Variants in CCDC90B observed in about 807,000 individuals in gnomAD.
CCDC90B encodes coiled-coil domain-containing protein 90B, mitochondrial.
Under a neutral mutation model 37.0 loss-of-function variants are expected in CCDC90B, and 24 were observed. The ratio of observed to expected loss-of-function variants is 0.65; its 90% confidence interval spans 0.47 to 0.91. The LOEUF (loss-of-function observed/expected upper bound fraction) is 0.91, where lower values mean the gene tolerates loss of function less well. Among genes scored for constraint, CCDC90B ranks in the 40% least tolerant of loss-of-function variants. CCDC90B has a pLI of 0.00. For missense variants in CCDC90B, 319 were observed against 299.0 expected (o/e 1.07, Z -0.49); for synonymous variants, 113 against 101.1 (o/e 1.12, Z -0.71).
chr11:83,278,773 C>T lies in CCDC90B; in HGVS notation c.277G>A (p.Val93Ile). The change falls in exon 3 of 9, where the codon GTC becomes ATC. Residue 93 changes from valine (V) to isoleucine (I), a missense_variant. Physicochemically the swap from Val to Ile is conservative, Grantham distance 29. Transcript: ENST00000529689. Reference protein sequence around the residue: ...IVSALTALSNVSLDTIYKEMV... With the variant: ...IVSALTALSNISLDTIYKEMV... ...TCTTTATAGATAGTATCCAGGCTGA[C>T]ATTTGATAAAGCAGTTAACGCTGAT... The T allele has an allele frequency of 6.2e-7, 1 of 1,613,582 alleles. No homozygotes were observed. The highest frequency in any genetic ancestry group is 1.7e-4 in the Middle Eastern group (1 of 5,884).
chr11:83,281,193 A>C (rs1403079709), intron 1 of CCDC90B, among the ~76,000 whole-genome samples: 1 of 152,206 alleles, frequency 6.6e-6, no homozygotes, highest in Non-Finnish European at 1.5e-5. Flanking sequence ...TATGTATCTT[A>C]AGTCACTTAA....
Position 83,285,853 on chromosome 11 carries a change from G to A in CCDC90B, c.100+20C>T, listed in dbSNP as rs566252770. 1.2e-6 allele frequency: 2 copies of A among 1,604,026 alleles called. No homozygotes were observed. The highest frequency in any genetic ancestry group is 3.4e-5 in the Admixed American group (2 of 59,368). The stretch of plus-strand genomic sequence containing the variant: ...CCCTAGAGAGCACTCAGGCATCTAT[G>A]ACACGACGCCTTGCCTCACCTCTCC... On this transcript the variant is annotated intron_variant, in intron 1 of 8. Transcript: ENST00000529689.
At chr11:83,273,756 G>A (rs1232182400) in intron 6 of CCDC90B, 37 bp downstream of exon 6, 7 of 1,600,976 alleles carry the variant, frequency 4.4e-6, no homozygotes, top group African/African-American at 2.7e-5. Flanking sequence ...TAAAAAAGGA[G>A]TAAGTAACCA....
intron 1 of CCDC90B, among the ~76,000 whole-genome samples, chr11:83,281,426 T>C (rs986565342): frequency 1.3e-5 from 2 of 152,206 alleles, no homozygotes; most frequent in Admixed American, 6.5e-5. Context: ...ATATTGTTTT[T>C]TTTAAAAAAT....
At chr11:83,274,391 A>G (rs1162234735) in intron 4 of CCDC90B, 1 of 279,850 alleles carries the variant, frequency 3.6e-6, no homozygotes. Context: ...TATATAGCTC[A>G]AAGATTTTGT....
chr11:83,282,211 A>AC (rs1170299121), intron 1 of CCDC90B, among the ~76,000 whole-genome samples: 1 of 152,252 alleles, frequency 6.6e-6, no homozygotes, highest in African/African-American at 2.4e-5. Flanking sequence ...CTTGTGATCA[A>AC]TGGCTAACTG....
At chr11:83,284,256 T>C (rs148192337) in intron 1 of CCDC90B, among the ~76,000 whole-genome samples, 29 of 152,360 alleles carry the variant, frequency 1.9e-4, no homozygotes, top group African/African-American at 6.7e-4. Context: ...AGATTGTGGA[T>C]TGGAACTCTG....
chr11:83,263,663 C>T (rs1864065940), intron 8 of CCDC90B, among the ~76,000 whole-genome samples: 2 of 152,126 alleles, frequency 1.3e-5, no homozygotes, highest in African/African-American at 4.8e-5. Flanking sequence ...CATTCAGACT[C>T]CTTTCTGAGG....
chr11:83,262,036 GT>G, intron 8 of CCDC90B, 70 bp from the exon 9 acceptor site: 1 of 1,092,376 alleles, frequency 9.2e-7, no homozygotes, highest in Non-Finnish European at 1.3e-6. Flanking sequence ...AGAGAATAAT[GT>G]TATCTTTAAG....
chr11:83,269,702 A>T (rs1445546111), intron 7 of CCDC90B, among the ~76,000 whole-genome samples: 1 of 152,234 alleles, frequency 6.6e-6, no homozygotes, highest in Non-Finnish European at 1.5e-5. Context: ...GACCAGACAG[A>T]TTCACAGCCA....
chr11:83,279,623 T>C (rs1467878197), intron 2 of CCDC90B, among the ~76,000 whole-genome samples: 2 of 152,190 alleles, frequency 1.3e-5, no homozygotes, highest in Non-Finnish European at 2.9e-5. Flanking sequence ...GGGGATCTAA[T>C]ATATTTTTTC....
At chr11:83,277,022 T>G (rs1299967652) in intron 3 of CCDC90B, among the ~76,000 whole-genome samples, 1 of 152,184 alleles carries the variant, frequency 6.6e-6, no homozygotes, top group Non-Finnish European at 1.5e-5. Flanking sequence ...TGTGCCTTAT[T>G]CTATACTAGA....
intron 3 of CCDC90B, among the ~76,000 whole-genome samples, chr11:83,276,203 G>A (rs1459373403): frequency 6.6e-6 from 1 of 152,138 alleles, no homozygotes; most frequent in Non-Finnish European, 1.5e-5. Flanking sequence ...GTGGCCTCTA[G>A]GGGCTGGCAG....
chr11:83,285,769 G>A (rs1865647658), intron 1 of CCDC90B, 104 bp downstream of exon 1: 7 of 1,482,090 alleles, frequency 4.7e-6, no homozygotes, highest in Non-Finnish European at 5.4e-6. Context: ...TCCGGGAGGA[G>A]GGCGTGGCAC....
Position 83,261,937 on chromosome 11 carries a change from A to G in CCDC90B, c.739T>C (p.Leu247=), listed in dbSNP as rs1057118120. The G allele has an allele frequency of 3.7e-6, 6 of 1,603,280 alleles. No individual in the cohort carries two copies. The highest frequency in any genetic ancestry group is 5.1e-6 in the Non-Finnish European group (6 of 1,174,758). Residue 247 remains leucine (L), a synonymous_variant, in exon 9 of 9, where the codon TTG becomes CTG. Transcript: ENST00000529689. ...TACTTCCAGAATCTATAAAATCCCA[A>G]TGCTATTGCCAGGCAAGTAAACACC... ...ASVFTCLAIA[L]GFYRFWK
chr11:83,266,419 A>T (rs1864276914), intron 7 of CCDC90B, among the ~76,000 whole-genome samples: 1 of 152,232 alleles, frequency 6.6e-6, no homozygotes, highest in Non-Finnish European at 1.5e-5. Context: ...CACTTTTCCC[A>T]AGGTCTTAGC....
In CCDC90B at chr11:83,273,863, T is replaced by C. The variant is rs1468240756; in HGVS notation, c.470A>G (p.His157Arg). 1.7e-5 allele frequency: 28 copies of C among 1,608,754 alleles called. No homozygotes were observed. The highest frequency in any genetic ancestry group is 2.3e-5 in the Non-Finnish European group (27 of 1,177,702). ...ELDQVKQQLM[H>R]ETSRIRADNK... ...ATCTGCTCTGATTCGACTGGTTTCA[T>C]GCTTTAAAGAAAGCAAAGATATTTA... The change falls in exon 6 of 9, where the codon CAT becomes CGT. Residue 157 changes from histidine (H) to arginine (R), a missense_variant and splice_region_variant. Transcript: ENST00000529689.
chr11:83,282,560 A>G (rs934305453), intron 1 of CCDC90B, among the ~76,000 whole-genome samples: 1 of 152,140 alleles, frequency 6.6e-6, no homozygotes, highest in East Asian at 1.9e-4. Context: ...CTCATGTCCT[A>G]CTATGCTCTC....
At chr11:83,262,029 G>C in intron 8 of CCDC90B, 63 bp from the exon 9 acceptor site, 2 of 1,141,878 alleles carry the variant, frequency 1.8e-6, no homozygotes, top group Admixed American at 4.5e-5. Context: ...GAGATAAAGA[G>C]AATAATGTTA....
Sources: gnomAD v4.1 joint callset for allele counts (sites outside exome capture counted in the v4.1 genomes callset) on GRCh38, gnomAD v4.1.1 for gene constraint, MANE v1.5 for transcripts, NCBI Gene and HGNC (gene_info 2026-07-23, HGNC 2026-07-21) for gene names.